Variants in VEZT observed in about 807,000 individuals in gnomAD.
The protein encoded by VEZT is vezatin.
Under a neutral mutation model 79.9 loss-of-function variants are expected in VEZT, and 39 were observed. That is an observed-to-expected ratio of 0.49 (90% confidence interval 0.38 to 0.64). The LOEUF (loss-of-function observed/expected upper bound fraction) is 0.64. VEZT is among the 30% of genes least tolerant of loss of function. VEZT has a pLI of 0.00. For synonymous variants in VEZT, 325 were observed against 327.6 expected (o/e 0.99, Z 0.09); for missense variants, 837 against 893.1 (o/e 0.94, Z 0.80).
chr12:95,243,006 A>T (rs907641628), intron 1 of VEZT, among the ~76,000 whole-genome samples: 6 of 152,084 alleles, frequency 3.9e-5, no homozygotes, highest in African/African-American at 1.4e-4. Flanking sequence ...CTTTAGGAAA[A>T]CCTAGCATCT....
At chr12:95,296,668 A>G (rs11107968) in intron 11 of VEZT, 56,759 of 153,976 alleles carry the variant, frequency 0.37, 11,280 homozygotes, top group African/African-American at 0.53. Context: ...GCCCAGGCGC[A>G]GCGGCACATG....
At chr12:95,246,622 G>A (rs1322046359) in intron 1 of VEZT, among the ~76,000 whole-genome samples, 2 of 152,178 alleles carry the variant, frequency 1.3e-5, no homozygotes, top group African/African-American at 4.8e-5. Context: ...GTTCTTGGCT[G>A]TTTTTCATTT....
chr12:95,274,630 T>A, intron 6 of VEZT, 112 bp from the exon 7 acceptor site: 2 of 1,173,214 alleles, frequency 1.7e-6, no homozygotes, highest in Non-Finnish European at 2.3e-6. Context: ...GCTGTAAACC[T>A]CCTCATCCAA....
chr12:95,226,583 T>C (rs769723432), intron 1 of VEZT, among the ~76,000 whole-genome samples: 15 of 152,188 alleles, frequency 9.9e-5, no homozygotes, highest in Admixed American at 3.3e-4. Flanking sequence ...ACAAACTCTT[T>C]GAGGTATCTT....
In VEZT at chr12:95,300,381, C is replaced by G; in HGVS notation, c.2048C>G (p.Pro683Arg). Reference protein sequence around the residue: ...NKDNSSNEVFPQGAEERMCYQ... With the variant: ...NKDNSSNEVFRQGAEERMCYQ... ...GATAATTCTTCAAATGAAGTCTTCC[C>G]CCAAGGAGCAGAAGAAAGAATGTGT... Residue 683 changes from proline (P) to arginine (R), a missense_variant, in exon 12 of 12, where the codon CCC becomes CGC. Physicochemically the swap from Pro to Arg is moderately radical, Grantham distance 103 (BLOSUM62 -2). Transcript: ENST00000436874. 6.2e-7 allele frequency: 1 copy of G among 1,613,790 alleles called. No individual in the cohort carries two copies.
At chr12:95,235,614 G>A (rs1387533294) in intron 1 of VEZT, among the ~76,000 whole-genome samples, 1 of 146,520 alleles carries the variant, frequency 6.8e-6, no homozygotes, top group Non-Finnish European at 1.5e-5. Flanking sequence ...CAGTAGGGCC[G>A]GCCGGGCAGA....
intron 2 of VEZT, among the ~76,000 whole-genome samples, chr12:95,255,524 C>T (rs1008615866): frequency 2.0e-5 from 3 of 152,306 alleles, no homozygotes; most frequent in East Asian, 3.9e-4. Context: ...CTCCACCTCC[C>T]GGGTGCAAGC....
chr12:95,268,962 G>A (rs2066080360), intron 5 of VEZT, among the ~76,000 whole-genome samples: 1 of 151,904 alleles, frequency 6.6e-6, no homozygotes, highest in Non-Finnish European at 1.5e-5. Context: ...AACCTTTTTT[G>A]CCTTCATTCC....
intron 7 of VEZT, among the ~76,000 whole-genome samples, chr12:95,275,398 G>A (rs561116712): frequency 4.6e-5 from 7 of 152,166 alleles, no homozygotes; most frequent in East Asian, 1.9e-4. Context: ...TCAGGAGTTC[G>A]AGACCAGCCT....
At chr12:95,282,741 G>T in intron 8 of VEZT, 97 bp downstream of exon 8, 1 of 973,580 alleles carries the variant, frequency 1.0e-6, no homozygotes, top group Non-Finnish European at 1.4e-6. Flanking sequence ...CTAGAAAAAA[G>T]AAACAAAACT....
chr12:95,288,406 G>T (rs1221114954), intron 9 of VEZT, among the ~76,000 whole-genome samples: 2 of 152,042 alleles, frequency 1.3e-5, no homozygotes, highest in African/African-American at 4.8e-5. Flanking sequence ...TTTCCACCAA[G>T]CTGCTTTTAT....
At chr12:95,248,640 C>T (rs1418043733) in intron 1 of VEZT, among the ~76,000 whole-genome samples, 1 of 151,982 alleles carries the variant, frequency 6.6e-6, no homozygotes, top group Admixed American at 6.6e-5. Context: ...CTCTAAGTCT[C>T]TTGCCAGAGA....
chr12:95,234,462 T>G (rs1593148872), intron 1 of VEZT, among the ~76,000 whole-genome samples: 1 of 151,860 alleles, frequency 6.6e-6, no homozygotes, highest in Non-Finnish European at 1.5e-5. Context: ...GCTAATTTTT[T>G]TGTATTTTTT....
At position 95,301,971 on chromosome 12, in the gene VEZT, T is replaced by G. The variant is rs2075261591; in HGVS notation, c.*1298T>G. The G allele has an allele frequency of 6.6e-6, 1 of 152,202 alleles. No individual in the cohort carries two copies. The highest frequency in any genetic ancestry group is 1.5e-5 in the Non-Finnish European group (1 of 68,028). The allele number at this position is 152,202 out of a possible 1,614,324, so 9.4% of individuals were successfully genotyped here. The stretch of plus-strand genomic sequence containing the variant: ...ATATAAACAGTAGAGATTATTGTAC[T>G]ATAAGTGATTTTGCCTTTTTGCCAA... On this transcript the variant is annotated 3_prime_UTR_variant, in exon 12 of 12. Transcript: ENST00000436874.
intron 1 of VEZT, among the ~76,000 whole-genome samples, chr12:95,248,838 AG>A (rs374535439): frequency 7.0e-6 from 1 of 142,258 alleles, no homozygotes; most frequent in African/African-American, 2.8e-5. Flanking sequence ...AAAAAAAAAA[AG>A]AAAGAAAGAA....
At chr12:95,264,011 G>A (rs868522016) in intron 4 of VEZT, among the ~76,000 whole-genome samples, 3 of 152,186 alleles carry the variant, frequency 2.0e-5, no homozygotes, top group Non-Finnish European at 4.4e-5. Context: ...TCCTGTTAAA[G>A]TACTTTATTA....
intron 6 of VEZT, among the ~76,000 whole-genome samples, chr12:95,274,499 C>A (rs538561909): frequency 6.6e-6 from 1 of 152,172 alleles, no homozygotes; most frequent in East Asian, 1.9e-4. Flanking sequence ...CACTTTAACC[C>A]TTTTGAAGAC....
In VEZT at chr12:95,270,143, C is replaced by T; in HGVS notation, c.803C>T (p.Ala268Val). ...LRKAVYRTLR[A>V]NFQAARLATL... ...AAAGCTGTCTACCGAACTCTAAGAG[C>T]CAACTTCCAAGCAGCAAGGCTAGCT... Residue 268 changes from alanine (A) to valine (V), a missense_variant, in exon 6 of 12, where the codon GCC becomes GTC. Physicochemically the swap from Ala to Val is moderately conservative, Grantham distance 64. Transcript: ENST00000436874. The T allele has an allele frequency of 6.2e-7, 1 of 1,611,024 alleles. No individual in the cohort carries two copies.
intron 11 of VEZT, chr12:95,298,929 G>A (rs914946016): frequency 1.9e-4 from 29 of 153,740 alleles, no homozygotes; most frequent in Non-Finnish European, 2.9e-5. Flanking sequence ...TGAGAGAAAT[G>A]TGTCTCTTTT....
Sources: gnomAD v4.1 joint callset for allele counts (sites outside exome capture counted in the v4.1 genomes callset) on GRCh38, gnomAD v4.1.1 for gene constraint, MANE v1.5 for transcripts, NCBI Gene and HGNC (gene_info 2026-07-23, HGNC 2026-07-21) for gene names.